The following ZC3H7B variants were observed in gnomAD, a reference collection of about 807,000 sequenced individuals.
The protein encoded by ZC3H7B is zinc finger CCCH domain-containing protein 7B.
ZC3H7B carries 35 observed loss-of-function variants against 116.0 expected under a neutral mutation model. The ratio of observed to expected loss-of-function variants is 0.30; its 90% confidence interval spans 0.23 to 0.40. The LOEUF (loss-of-function observed/expected upper bound fraction) is 0.40, where lower values mean the gene tolerates loss of function less well. Among genes scored for constraint, ZC3H7B ranks in the 10% least tolerant of loss-of-function variants. ZC3H7B has a pLI of 1.00. For synonymous variants in ZC3H7B, 502 were observed against 545.6 expected, an observed-to-expected ratio of 0.92 and a Z score of 1.11; for missense variants, 1,011 against 1,321.5, an observed-to-expected ratio of 0.77 and a Z score of 3.64.
In ZC3H7B at chr22:41,346,021, A is replaced by G. The variant is rs763120181; in HGVS notation, c.1478A>G (p.Asp493Gly). ...TTTGCAGACATGATTAACAAGCAGG[A>G]CTGTAAGTACGGGGATAACTGCACC... Reference protein sequence around the residue: ...YLCKDMINKQDCKYGDNCTFA... With the variant: ...YLCKDMINKQGCKYGDNCTFA... The change falls in exon 14 of 23, where the codon GAC (aspartate) becomes GGC (glycine). Residue 493 changes from aspartate (D) to glycine (G), a missense_variant. Around this residue, in one of 5 missense-constraint regions of ZC3H7B, gnomAD observed 179 missense variants for 178.5 expected, o/e 1.00. Coordinates refer to ENST00000352645, the MANE Select transcript of ZC3H7B (RefSeq NM_017590.6). The surrounding 1 kb of genome is among the most constrained non-coding windows in gnomAD (Gnocchi z 5.3). 15 of 1,614,106 alleles carry G rather than the reference A, an allele frequency of 9.3e-6. No individual in the cohort carries two copies. The South Asian group carries it at 1.6e-4, about 18-fold the overall frequency.
At chr22:41,303,081 T>C (rs1295570586) in intron 1 of ZC3H7B, among the ~76,000 whole-genome samples, 2 of 152,236 alleles carry the variant, frequency 1.3e-5, no homozygotes, top group African/African-American at 4.8e-5. Flanking sequence ...TTAGTTCTAC[T>C]ACCAATACTT....
chr22:41,329,451 G>A (rs1406477791), intron 5 of ZC3H7B, among the ~76,000 whole-genome samples: 1 of 151,840 alleles, frequency 6.6e-6, no homozygotes, highest in African/African-American at 2.4e-5. Context: ...TAGAGATGGG[G>A]TTTCACCATG....
chr22:41,331,965 A>G (rs1268849621), intron 6 of ZC3H7B, among the ~76,000 whole-genome samples: 4 of 152,156 alleles, frequency 2.6e-5, no homozygotes, highest in Non-Finnish European at 5.9e-5. Context: ...TCCTCTGCCC[A>G]GGTCAAGGTT....
intron 2 of ZC3H7B, among the ~76,000 whole-genome samples, chr22:41,322,480 C>T (rs1319955084): frequency 6.6e-6 from 1 of 152,186 alleles, no homozygotes; most frequent in East Asian, 1.9e-4. Context: ...GCCACCGCAT[C>T]CAGCCCGACA....
chr22:41,342,481 C>G (rs773689879), intron 11 of ZC3H7B, 48 bp from the exon 12 acceptor site: 1 of 1,587,812 alleles, frequency 6.3e-7, no homozygotes, highest in Non-Finnish European at 8.6e-7. Flanking sequence ...CCCCAGTGGC[C>G]TCAGCCATCA....
At chr22:41,322,476 G>A (rs947869452) in intron 2 of ZC3H7B, among the ~76,000 whole-genome samples, 3 of 152,108 alleles carry the variant, frequency 2.0e-5, no homozygotes, top group Non-Finnish European at 4.4e-5. Flanking sequence ...GTGAGCCACC[G>A]CATCCAGCCC....
rs2145944705 is a variant in ZC3H7B, at chr22:41,355,667, G to A, written c.2168+65G>A. ...CCACCCTACCACCACAGGTGTGGAG[G>A]CCAACTGAGAGAGGCCAGGGCTCTC... is the stretch of plus-strand genomic sequence containing the variant. On this transcript the variant is annotated intron_variant, in intron 18 of 22. Transcript: ENST00000352645. 2.5e-6 allele frequency: 4 copies of A among 1,611,772 alleles called. No homozygotes were observed. In the East Asian group the frequency reaches 8.9e-5, roughly 36 times the overall value.
chr22:41,355,364 A>T, intron 17 of ZC3H7B, 105 bp from the exon 18 acceptor site: 1 of 1,489,666 alleles, frequency 6.7e-7, no homozygotes, highest in Non-Finnish European at 9.1e-7. Context: ...CTGGGAGCAG[A>T]CCAGCTTATT....
chr22:41,359,564 T>G lies in ZC3H7B; in HGVS notation c.*2135T>G, dbSNP rs879455319. 1 of 151,536 alleles carries G rather than the reference T, an allele frequency of 6.6e-6. No homozygotes were observed. Among genetic ancestry groups the G allele is most frequent in the Non-Finnish European group, 1.5e-5 (1 of 67,906 alleles). The allele number at this position is 151,536 out of a possible 1,614,324, so 9.4% of individuals were successfully genotyped here. A position where few individuals can be genotyped will look rare whatever the true frequency, so the allele number is the denominator to read the frequency against. ...CCACCCCCATCGAGTGCGGAGAGAG[T>G]GGGAGTGCTCAGGGAAAGAAGGTGA... On this transcript the variant is annotated 3_prime_UTR_variant, in exon 23 of 23. Coordinates refer to ENST00000352645, the MANE Select transcript of ZC3H7B (RefSeq NM_017590.6).
chr22:41,343,664 C>T (rs552755283), intron 13 of ZC3H7B, 88 bp downstream of exon 13: 11 of 1,448,484 alleles, frequency 7.6e-6, no homozygotes, highest in African/African-American at 1.4e-5. Flanking sequence ...CACAGGTAGA[C>T]AGAACAGGGG....
Position 41,339,867 on chromosome 22 carries a change from C to T in ZC3H7B, c.868C>T (p.Gln290Ter). 1 of 1,612,976 alleles carries T rather than the reference C, an allele frequency of 6.2e-7. No homozygotes were observed. Among genetic ancestry groups the T allele is most frequent in the Non-Finnish European group, 8.5e-7 (1 of 1,179,418 alleles). The change falls in exon 10 of 23, where the codon CAG becomes TAG. Residue 290 changes from glutamine to a stop codon, truncating the protein, a stop_gained. Transcript: ENST00000352645. LOFTEE classifies it high-confidence loss of function. The part of the protein sequence containing the change: ...SGSGVPSELP[Q>*]LIPVFPGGTP... ...CAGCGGCGTGCCTAGTGAGTTGCCC[C>T]AGCTGATACCCGTGTTCCCCGGCGG...
Position 41,343,719 on chromosome 22 carries a change from C to T in ZC3H7B, c.1459+143C>T. On this transcript the variant is annotated intron_variant, in intron 13 of 22. Transcript: ENST00000352645. The stretch of plus-strand genomic sequence containing the variant: ...GGAGGAGAAAGCCACGGCCTAGGCT[C>T]CTGGGGCCCGTGCAGGATGAATTCC... 7.5e-6 allele frequency: 9 copies of T among 1,207,780 alleles called. No homozygotes were observed. The South Asian group carries it at 1.5e-4, about 20-fold the overall frequency. The allele number at this position is 1,207,780 out of a possible 1,614,324, so 74.8% of individuals were successfully genotyped here. A position where few individuals can be genotyped will look rare whatever the true frequency, so the allele number is the denominator to read the frequency against.
rs181437082 is a variant in ZC3H7B at position 41,353,322 on chromosome 22, G to A, written c.2034+1676G>A. ...TGGGGCAATTCCCAGGTTCTCTGACGTCCTGTCCGGGGCTCGCTCTTCTCC... is the reference window on the plus strand; with the variant it reads ...TGGGGCAATTCCCAGGTTCTCTGACATCCTGTCCGGGGCTCGCTCTTCTCC... On this transcript the variant is annotated intron_variant, in intron 17 of 22. Transcript: ENST00000352645. Among the ~76,000 whole-genome samples the A allele has an allele frequency of 1.2e-3, 181 of 152,298 alleles. 1 individual carries two copies. Among genetic ancestry groups the A allele is most frequent in the Admixed American group, 2.8e-3 (43 of 15,296 alleles).
chr22:41,359,284 T>C lies in ZC3H7B; in HGVS notation c.*1855T>C, dbSNP rs1219141562. Reference sequence around the variant, plus strand: ...GTATATATGTCGCCCCCGTGATGCATATATACACAGGTATTAAATATATCG... The same window carrying C: ...GTATATATGTCGCCCCCGTGATGCACATATACACAGGTATTAAATATATCG... On this transcript the variant is annotated 3_prime_UTR_variant, in exon 23 of 23. Transcript: ENST00000352645. The C allele has an allele frequency of 1.3e-5, 2 of 152,636 alleles. No individual in the cohort carries two copies. The highest frequency in any genetic ancestry group is 4.8e-5 in the African/African-American group (2 of 41,440). 9.5% of individuals were successfully genotyped at this position (152,636 alleles called of 1,614,324 possible).
At chr22:41,350,666 G>A (rs984570360) in intron 16 of ZC3H7B, among the ~76,000 whole-genome samples, 4 of 152,208 alleles carry the variant, frequency 2.6e-5, no homozygotes, top group Non-Finnish European at 2.9e-5. Flanking sequence ...GGGGCAGGCT[G>A]TAAGAGGAGC....
chr22:41,306,148 GC>G (rs1320995473), intron 1 of ZC3H7B, among the ~76,000 whole-genome samples: 1 of 152,146 alleles, frequency 6.6e-6, no homozygotes, highest in East Asian at 1.9e-4. Context: ...GTCAGGCTCT[GC>G]CGTCATGATC....
intron 7 of ZC3H7B, among the ~76,000 whole-genome samples, chr22:41,337,434 G>A (rs372883806): frequency 1.3e-5 from 2 of 152,174 alleles, no homozygotes; most frequent in African/African-American, 2.4e-5. Context: ...CTTCCCCAGC[G>A]GTGAGTGAAG....
chr22:41,326,860 T>C (rs3927), intron 4 of ZC3H7B, among the ~76,000 whole-genome samples: 33,920 of 152,212 alleles, frequency 0.22, 4,943 homozygotes, highest in Admixed American at 0.46. Context: ...AGAGATGCCA[T>C]TGTTACTCTC....
chr22:41,355,545 G>A lies in ZC3H7B; in HGVS notation c.2111G>A (p.Gly704Glu), dbSNP rs2036702638. 1.2e-6 allele frequency: 2 copies of A among 1,614,162 alleles called. No individual in the cohort carries two copies. The highest frequency in any genetic ancestry group is 1.7e-6 in the Non-Finnish European group (2 of 1,180,026). ...KFVCGQCWRN[G>E]QVVEPDKDLK... ...GTATGTGGCCAGTGCTGGAGAAACG[G>A]GCAGGTGGTGGAGCCTGACAAGGAC... The change falls in exon 18 of 23, where the codon GGG becomes GAG. Residue 704 changes from glycine (G) to glutamate (E), a missense_variant. Gly to Glu is a moderately conservative substitution (Grantham distance 98, BLOSUM62 -2). Around this residue, in one of 5 missense-constraint regions of ZC3H7B, gnomAD observed 406 missense variants for 590.2 expected, o/e 0.69. Coordinates refer to ENST00000352645, the MANE Select transcript of ZC3H7B (RefSeq NM_017590.6).
Sources: allele counts gnomAD v4.1 joint callset (sites outside exome capture counted in the v4.1 genomes callset), GRCh38; gene constraint gnomAD v4.1.1; regional missense constraint gnomAD v4.1.1; non-coding constraint Gnocchi (gnomAD v3.1); transcripts MANE v1.5; gene names NCBI Gene and HGNC (gene_info 2026-07-23, HGNC 2026-07-21).